INPP5J: variants seen among roughly 807,000 people sequenced by gnomAD.
INPP5J encodes the protein inositol polyphosphate-5-phosphatase J.
Under a neutral mutation model 86.6 loss-of-function variants are expected in INPP5J, and 75 were observed. The ratio of observed to expected loss-of-function variants is 0.87; its 90% CI spans 0.72 to 1.05. The LOEUF (loss-of-function observed/expected upper bound fraction) is 1.05, where lower values mean the gene tolerates loss of function less well. INPP5J is among the 50% of genes least tolerant of loss of function. INPP5J has a pLI of 0.00. For synonymous variants in INPP5J, 540 were observed against 550.0 expected (o/e 0.98, Z 0.25); for missense variants, 1,229 against 1,341.2 (o/e 0.92, Z 1.31).
chr22:31,126,820 C>G, intron 4 of INPP5J, 99 bp downstream of exon 4: 1 of 1,425,178 alleles, frequency 7.0e-7, no homozygotes, highest in Non-Finnish European at 9.9e-7. Context: ...GCCTCTGTGG[C>G]TGGGTCCGTG....
intron 5 of INPP5J, 132 bp from the exon 6 acceptor site, chr22:31,127,225 G>A: frequency 1.1e-6 from 1 of 885,234 alleles, no homozygotes; most frequent in South Asian, 1.7e-5. Flanking sequence ...TCCCCACTGT[G>A]TCCCAGCGTT....
At chr22:31,133,868 C>T (rs1922328973) in intron 12 of INPP5J, 45 bp from the exon 13 acceptor site, 2 of 1,599,152 alleles carry the variant, frequency 1.3e-6, no homozygotes, top group Non-Finnish European at 1.7e-6. Context: ...GCCTCAGTGG[C>T]TGGGTTGGGG....
In INPP5J at chr22:31,122,982, C is replaced by T; in HGVS notation, c.-33C>T. 5 of 1,359,818 alleles carry T rather than the reference C, an allele frequency of 3.7e-6. No homozygotes were observed. The highest frequency in any genetic ancestry group is 4.8e-6 in the Non-Finnish European group (5 of 1,037,660). The allele number at this position is 1,359,818 out of a possible 1,614,324, so 84.2% of individuals were successfully genotyped here. On this transcript the variant is annotated 5_prime_UTR_variant, in exon 1 of 13. Transcript: ENST00000331075. Reference sequence around the variant, plus strand: ...GGGAGCGGTAGAGCTGGAGCCGGAGCCAAGGGAGTCCAGGCTGCCGGGGGC... The same window carrying T: ...GGGAGCGGTAGAGCTGGAGCCGGAGTCAAGGGAGTCCAGGCTGCCGGGGGC...
At chr22:31,127,849 G>C (rs1420728626) in intron 6 of INPP5J, 102 bp from the exon 7 acceptor site, 3 of 752,852 alleles carry the variant, frequency 4.0e-6, no homozygotes. Context: ...ATCCCCTCGG[G>C]TTGGATGGGC....
rs1921746325 is a variant in INPP5J at position 31,128,611 on chromosome 22, C to T, written c.2150C>T (p.Thr717Ile). ...QHSYRSHMEY[T>I]VSDHKPVAAQ... ...AGCTACCGCAGCCACATGGAATACA[C>T]AGTCAGCGACCACAAGCCTGTGGCT... The change falls in exon 9 of 13, where the codon ACA becomes ATA. Residue 717 changes from threonine (T) to isoleucine (I), a missense_variant. By Grantham distance (89) the Thr-to-Ile change is moderately conservative. Transcript: ENST00000331075. 1 of 1,608,582 alleles carries T rather than the reference C, an allele frequency of 6.2e-7. No homozygotes were observed.
Position 31,125,385 on chromosome 22 carries a change from C to G in INPP5J, c.646C>G (p.Gln216Glu). The stretch of plus-strand genomic sequence containing the variant: ...TCCAGTTCTGTCTCCAACTCAGGAA[C>G]AGGCCCTGGCTCCAGCATCCACGGC... ...PSPVLSPTQEQALAPASTASG... is the reference protein window; with the variant it reads ...PSPVLSPTQEEALAPASTASG... The change falls in exon 2 of 13, where the codon CAG becomes GAG. Residue 216 changes from glutamine (Q) to glutamate (E), a missense_variant. Gln to Glu is a conservative substitution (Grantham distance 29). Coordinates refer to ENST00000331075, the MANE Select transcript of INPP5J (RefSeq NM_001284285.2). 6.4e-7 allele frequency: 1 copy of G among 1,550,544 alleles called. No individual in the cohort carries two copies. The highest frequency in any genetic ancestry group is 8.7e-7 in the Non-Finnish European group (1 of 1,146,934).
At position 31,126,730 on chromosome 22, in the gene INPP5J, C is replaced by A. The variant is rs760618820; in HGVS notation, c.1494+9C>A. The A allele has an allele frequency of 2.5e-6, 4 of 1,600,914 alleles. No homozygotes were observed. The highest frequency in any genetic ancestry group is 2.2e-5 in the East Asian group (1 of 44,826). On this transcript the variant is annotated intron_variant, in intron 4 of 12. Transcript: ENST00000331075. ...CCTTCAACTTCGTGCTGGTAACGCA[C>A]CCCTCACCCCCTGGACAGCCAGAGA...
At position 31,134,231 on chromosome 22, in the gene INPP5J, C is replaced by T. The variant is rs1235644649; in HGVS notation, c.2833C>T (p.Pro945Ser). The T allele has an allele frequency of 1.3e-6, 2 of 1,549,482 alleles. No individual in the cohort carries two copies. Among genetic ancestry groups the T allele is most frequent in the Non-Finnish European group, 8.7e-7 (1 of 1,146,562 alleles). Residue 945 changes from proline to serine, a missense_variant, in exon 13 of 13, where the codon CCT (proline) becomes TCT (serine). Transcript: ENST00000331075. ...GSSEEGPSGLPGPWAFPPAVP... is the reference protein window; with the variant it reads ...GSSEEGPSGLSGPWAFPPAVP... Reference sequence around the variant, plus strand: ...TAGTGAAGAGGGGCCCTCTGGGTTGCCTGGCCCCTGGGCCTTCCCACCAGC... The same window carrying T: ...TAGTGAAGAGGGGCCCTCTGGGTTGTCTGGCCCCTGGGCCTTCCCACCAGC...
At chr22:31,122,856 G>C (rs530433254), upstream of INPP5J, 13 of 515,268 alleles carry the variant, frequency 2.5e-5, no homozygotes, top group Admixed American at 2.2e-4. Context: ...GGATTCCCAG[G>C]GGGTAGCCAC....
rs1921316625 is a variant in INPP5J, at chr22:31,125,707, T to C, written c.968T>C (p.Leu323Pro). 3 of 1,550,946 alleles carry C rather than the reference T, an allele frequency of 1.9e-6. No individual in the cohort carries two copies. Among genetic ancestry groups the C allele is most frequent in the Non-Finnish European group, 2.6e-6 (3 of 1,146,816 alleles). ...CCTGGCACTCACTCCCCTGGACTTCTGTCCCCCACCTTCCGGCCTGGGGCC... is the reference window on the plus strand; with the variant it reads ...CCTGGCACTCACTCCCCTGGACTTCCGTCCCCCACCTTCCGGCCTGGGGCC... ...SEPGTHSPGL[L>P]SPTFRPGAPS... is the part of the protein sequence containing the mutation. Residue 323 changes from leucine (L) to proline (P), a missense_variant, in exon 2 of 13, where the codon CTG becomes CCG. Coordinates refer to ENST00000331075, the MANE Select transcript of INPP5J (RefSeq NM_001284285.2).
chr22:31,133,770 C>A, intron 12 of INPP5J, 56 bp downstream of exon 12: 1 of 1,565,690 alleles, frequency 6.4e-7, no homozygotes, highest in Non-Finnish European at 8.8e-7. Flanking sequence ...TCAAATGCCA[C>A]AGCCTCTACA....
rs530806230 is a variant in INPP5J, at chr22:31,125,939, C to T, written c.1200C>T (p.Ser400=). 1.4e-5 allele frequency: 23 copies of T among 1,612,876 alleles called. No homozygotes were observed. The South Asian group carries it at 2.1e-4, about 15-fold the overall frequency. Residue 400 remains serine (S), a synonymous_variant, in exon 2 of 13, where the codon TCC becomes TCT. Transcript: ENST00000331075. ...AAGCCCCAGCCCCAGTCACCACCTCCTCTTCTACATCCACCCTGTCATCCT... is the reference window on the plus strand; with the variant it reads ...AAGCCCCAGCCCCAGTCACCACCTCTTCTTCTACATCCACCCTGTCATCCT... The part of the protein sequence containing the change: ...AQEAPAPVTT[S]SSTSTLSSSP...
Position 31,127,161 on chromosome 22 carries a change from C to A in INPP5J, c.1611+124C>A, listed in dbSNP as rs753609577. 5.1e-5 allele frequency: 42 copies of A among 822,712 alleles called. No homozygotes were observed. The East Asian group carries it at 1.0e-3, about 20-fold the overall frequency. The allele number at this position is 822,712 out of a possible 1,614,324, so 51.0% of individuals were successfully genotyped here. A position where few individuals can be genotyped will look rare whatever the true frequency, so the allele number is the denominator to read the frequency against. The stretch of plus-strand genomic sequence containing the variant: ...ACCCTTTACCCTGCGGCCCAGCCCC[C>A]CCATGCACCACCCAATACCCCATCC... On this transcript the variant is annotated intron_variant, in intron 5 of 12. Transcript: ENST00000331075.
rs1177843649 is a variant in INPP5J, at chr22:31,134,304, T to C, written c.2906T>C (p.Val969Ala). Residue 969 changes from valine (V) to alanine (A), a missense_variant, in exon 13 of 13, where the codon GTA becomes GCA. Physicochemically the swap from Val to Ala is moderately conservative, Grantham distance 64. Coordinates refer to ENST00000331075, the MANE Select transcript of INPP5J (RefSeq NM_001284285.2). ...TTGCCCGCCTTGCGCCTAGAGACTG[T>C]AGACCCTGGTGGTGGTGGCTCCTGG... ...GLLPALRLET[V>A]DPGGGGSWGP... The C allele has an allele frequency of 1.3e-6, 2 of 1,555,026 alleles. No individual in the cohort carries two copies. Among genetic ancestry groups the C allele is most frequent in the South Asian group, 1.2e-5 (1 of 84,268 alleles).
intron 4 of INPP5J, 39 bp downstream of exon 4, chr22:31,126,760 G>A (rs1921501111): frequency 6.4e-7 from 1 of 1,561,940 alleles, no homozygotes; most frequent in South Asian, 1.1e-5. Context: ...CAGAGACCCT[G>A]CTGAATTCCT....
At chr22:31,127,603 T>C in intron 6 of INPP5J, 71 bp downstream of exon 6, 3 of 1,453,862 alleles carry the variant, frequency 2.1e-6, no homozygotes, top group Non-Finnish European at 2.8e-6. Flanking sequence ...CCACCTTGGG[T>C]GGGGCTTATG....
rs746607620 is a variant in INPP5J at position 31,127,771 on chromosome 22, C to T, written c.1788-180C>T. On this transcript the variant is annotated intron_variant, in intron 6 of 12. Coordinates refer to ENST00000331075, the MANE Select transcript of INPP5J (RefSeq NM_001284285.2). The stretch of plus-strand genomic sequence containing the variant: ...GGTCAGAACCTAATTTCCTGTAGAC[C>T]GGTCCCTCTGCTTTTCCTCTGCCCT... 31 of 640,880 alleles carry T rather than the reference C, an allele frequency of 4.8e-5. No individual in the cohort carries two copies. The East Asian group carries it at 7.4e-4, about 15-fold the overall frequency. 39.7% of individuals were successfully genotyped at this position (640,880 alleles called of 1,614,324 possible).
In INPP5J at chr22:31,133,594, C is replaced by G; in HGVS notation, c.2410-16C>G. On this transcript the variant is annotated splice_polypyrimidine_tract_variant and intron_variant, in intron 11 of 12. Transcript: ENST00000331075. ...CCCTGACCCCCAACTTAGGCTTATA[C>G]CCCTGGGCCTACCAGGTAACATTCA... The G allele has an allele frequency of 6.2e-7, 1 of 1,604,062 alleles. No homozygotes were observed. The highest frequency in any genetic ancestry group is 8.5e-7 in the Non-Finnish European group (1 of 1,173,216).
rs906622350 is a variant in INPP5J, at chr22:31,126,232, C to T, written c.1272-144C>T. On this transcript the variant is annotated intron_variant, in intron 2 of 12. Coordinates refer to ENST00000331075, the MANE Select transcript of INPP5J (RefSeq NM_001284285.2). ...CCCCAGGGAGAGTGTGGCAGAGGGA[C>T]AGGATTCGGGGCCTCCTGTGGGTCC... is the stretch of plus-strand genomic sequence containing the variant. 6 of 805,608 alleles carry T rather than the reference C, an allele frequency of 7.4e-6. No individual in the cohort carries two copies. In the African/African-American group the frequency reaches 1.0e-4, roughly 14 times the overall value. The allele number at this position is 805,608 out of a possible 1,614,324, so 49.9% of individuals were successfully genotyped here. A position where few individuals can be genotyped will look rare whatever the true frequency, so the allele number is the denominator to read the frequency against.
Sources: gnomAD v4.1 joint callset for allele counts on GRCh38, gnomAD v4.1.1 for gene constraint, MANE v1.5 for transcripts, NCBI Gene and HGNC (gene_info 2026-07-23, HGNC 2026-07-21) for gene names.